Variants in KANK2 observed in about 807,000 individuals in gnomAD.
KANK2 encodes KN motif and ankyrin repeat domain-containing protein 2.
A neutral mutation model predicts 74.6 loss-of-function variants in KANK2; 41 were observed. The observed-to-expected ratio is 0.55, with a 90% confidence interval of 0.43 to 0.71. The LOEUF is 0.71. Ranked by LOEUF, KANK2 falls within the 30% of genes least tolerant of loss-of-function variation. KANK2 has a pLI of 0.00. For synonymous variants in KANK2, 537 were observed against 519.0 expected (o/e 1.03, Z -0.47); for missense variants, 1,148 against 1,196.4 (o/e 0.96, Z 0.60).
intron 4 of KANK2, among the ~76,000 whole-genome samples, chr19:11,189,970 C>T (rs1017803347): frequency 3.3e-5 from 5 of 152,042 alleles, no homozygotes; most frequent in African/African-American, 9.7e-5. Context: ...AGGAACAACA[C>T]GGGCCGGCGA....
chr19:11,192,875 A>G lies in KANK2; in HGVS notation c.1205T>C (p.Val402Ala), dbSNP rs772838393. ...TCGCTCTGTGATGCTAATCTTCTTC[A>G]CCATATGGACGTTGCTGGTAGCTGC... ...PAAATSNVHM[V>A]KKISITERSC... Residue 402 changes from valine (V) to alanine (A), a missense_variant, in exon 4 of 13, where the codon GTG (valine) becomes GCG (alanine). By Grantham distance (64) the Val-to-Ala change is moderately conservative. Transcript: ENST00000586659. The G allele has an allele frequency of 6.2e-7, 1 of 1,609,862 alleles. No individual in the cohort carries two copies. Among genetic ancestry groups the G allele is most frequent in the Admixed American group, 1.7e-5 (1 of 59,148 alleles).
intron 12 of KANK2, among the ~76,000 whole-genome samples, chr19:11,168,543 C>T (rs1182427246): frequency 1.3e-5 from 2 of 152,068 alleles, no homozygotes; most frequent in Admixed American, 6.6e-5. Flanking sequence ...CCACAAGGTG[C>T]TGGGATTACA....
chr19:11,175,574 C>G (rs1276307933), intron 8 of KANK2, among the ~76,000 whole-genome samples: 3 of 152,054 alleles, frequency 2.0e-5, no homozygotes, highest in Non-Finnish European at 2.9e-5. Flanking sequence ...GCATGAGCCA[C>G]TGCGCCCAGC....
chr19:11,179,831 TCTTG>T (rs2078460912), intron 4 of KANK2, among the ~76,000 whole-genome samples: 1 of 152,106 alleles, frequency 6.6e-6, no homozygotes, highest in Non-Finnish European at 1.5e-5. Context: ...GCCACCAATG[TCTTG>T]GAATCCACTC....
Position 11,166,487 on chromosome 19 carries a change from C to A in KANK2, c.*71G>T. 1 of 1,433,046 alleles carries A rather than the reference C, an allele frequency of 7.0e-7. No individual in the cohort carries two copies. The highest frequency in any genetic ancestry group is 1.1e-5 in the South Asian group (1 of 87,088). The allele number at this position is 1,433,046 out of a possible 1,614,324, so 88.8% of individuals were successfully genotyped here. On this transcript the variant is annotated 3_prime_UTR_variant, in exon 13 of 13. Transcript: ENST00000586659. The stretch of plus-strand genomic sequence containing the variant: ...GTGAGTGGGGTGGGCCAGGGAGGAA[C>A]GGGAACAGGGAGGAGACGGGGACAA...
intron 7 of KANK2, 117 bp downstream of exon 7, chr19:11,176,461 G>A: frequency 1.7e-6 from 2 of 1,197,122 alleles, no homozygotes; most frequent in East Asian, 2.6e-5. Context: ...TGCTAATTCA[G>A]ACTAAAGTGT....
In KANK2 at chr19:11,193,354, G is replaced by A. The variant is rs2078913749; in HGVS notation, c.726C>T (p.Gly242=). The A allele has an allele frequency of 1.2e-6, 2 of 1,612,754 alleles. No individual in the cohort carries two copies. Among genetic ancestry groups the A allele is most frequent in the African/African-American group, 1.3e-5 (1 of 74,908 alleles). ...SQKFLGHPTA[G]RGRSELCLDL... is the part of the protein sequence containing the mutation. ...CCAGGCAGAGCTCGCTGCGACCCCG[G>A]CCCGCTGTGGGGTGGCCCAGGAACT... is the stretch of plus-strand genomic sequence containing the variant. Residue 242 remains glycine, a synonymous_variant, in exon 4 of 13, where the codon GGC becomes GGT. Coordinates refer to ENST00000586659, the MANE Select transcript of KANK2 (RefSeq NM_001136191.3). The surrounding 1 kb of genome is among the most constrained non-coding windows in gnomAD (Gnocchi z 9.6).
chr19:11,175,427 CAAAAAAAAAAAAAAAAAAA>C (rs753933217), intron 8 of KANK2, among the ~76,000 whole-genome samples: 2 of 14,974 alleles, frequency 1.3e-4, no homozygotes, highest in South Asian at 3.4e-3. Context: ...GACTCCCTCT[CAAAAAAAAAAAAAAAAAAA>C]AAAAAAAAAA....
chr19:11,191,092 G>A (rs887258419), intron 4 of KANK2, among the ~76,000 whole-genome samples: 6 of 151,750 alleles, frequency 4.0e-5, no homozygotes, highest in Admixed American at 6.6e-5. Context: ...CCAGGCTGGA[G>A]GGCAGTGGTG....
intron 6 of KANK2, among the ~76,000 whole-genome samples, chr19:11,177,108 T>TC (rs1001112553): frequency 5.4e-5 from 8 of 148,540 alleles, no homozygotes; most frequent in African/African-American, 1.7e-4. Flanking sequence ...TTTTTTTTTT[T>TC]TTTTTGAGAT....
intron 4 of KANK2, among the ~76,000 whole-genome samples, chr19:11,189,227 G>A (rs557617938): frequency 1.3e-5 from 2 of 151,362 alleles, no homozygotes; most frequent in Non-Finnish European, 2.9e-5. Context: ...AAAGCTCCAG[G>A]ATTACAGGCA....
chr19:11,167,844 A>G (rs1420639267), intron 12 of KANK2, among the ~76,000 whole-genome samples: 1 of 151,058 alleles, frequency 6.6e-6, no homozygotes, highest in Non-Finnish European at 1.5e-5. Flanking sequence ...CTCCTTAAAC[A>G]CGTCAGACAC....
At chr19:11,169,445 T>C (rs2078110687) in intron 12 of KANK2, among the ~76,000 whole-genome samples, 1 of 152,048 alleles carries the variant, frequency 6.6e-6, no homozygotes, top group Non-Finnish European at 1.5e-5. Flanking sequence ...GAAGTGGAGT[T>C]TGCAGTGAGC....
At chr19:11,181,747 G>A (rs1242797656) in intron 4 of KANK2, among the ~76,000 whole-genome samples, 1 of 152,028 alleles carries the variant, frequency 6.6e-6, no homozygotes, top group Non-Finnish European at 1.5e-5. Flanking sequence ...CCAGGACTTT[G>A]GGAGGCTGAA....
chr19:11,196,625 C>T (rs943846227), intron 1 of KANK2: 5 of 152,168 alleles, frequency 3.3e-5, no homozygotes, highest in Non-Finnish European at 7.3e-5. Context: ...ACTCAGTCAT[C>T]TCACCGCCCT....
In KANK2 at chr19:11,164,710, TCATCCATCCATCCATCCATC is replaced by T. The variant is rs142958187; in HGVS notation, c.*1828_*1847del. On this transcript the variant is annotated 3_prime_UTR_variant, in exon 13 of 13. Transcript: ENST00000586659. ...TTACATGCAAACACCATCTATCTAT[TCATCCATCCATCCATCCATC>T]CATCCATCCATCCATCCATCCATCC... 4 of 99,802 alleles carry T rather than the reference TCATCCATCCATCCATCCATC, an allele frequency of 4.0e-5. No homozygotes were observed. Among genetic ancestry groups the T allele is most frequent in the Admixed American group, 1.7e-4 (2 of 12,046 alleles). 6.2% of individuals were successfully genotyped at this position (99,802 alleles called of 1,614,324 possible).
chr19:11,192,564 A>C, intron 4 of KANK2: 1 of 393,980 alleles, frequency 2.5e-6, no homozygotes, highest in East Asian at 6.3e-5. Flanking sequence ...CCTCCTGGGT[A>C]GCTGAGGTTT....
At chr19:11,173,925 C>T (rs911286471) in intron 9 of KANK2, among the ~76,000 whole-genome samples, 12 of 151,272 alleles carry the variant, frequency 7.9e-5, no homozygotes, top group East Asian at 3.9e-4. Context: ...AACAATGAAC[C>T]GGGAAGATGA....
chr19:11,170,556 G>T lies in KANK2; in HGVS notation c.2212-308C>A. On this transcript the variant is annotated intron_variant, in intron 10 of 12. Coordinates refer to ENST00000586659, the MANE Select transcript of KANK2 (RefSeq NM_001136191.3). The surrounding 1 kb of genome is among the most constrained non-coding windows in gnomAD (Gnocchi z 5.2). ...ACGGAGGTGTTGGTTGCACAACAGGGTGAATGTATTTCATGCCAGTAGTGC... is the reference window on the plus strand; with the variant it reads ...ACGGAGGTGTTGGTTGCACAACAGGTTGAATGTATTTCATGCCAGTAGTGC... 4.3e-6 allele frequency: 2 copies of T among 464,688 alleles called. No homozygotes were observed. Among genetic ancestry groups the T allele is most frequent in the Non-Finnish European group, 7.8e-6 (2 of 256,044 alleles). The allele number at this position is 464,688 out of a possible 1,614,324, so 28.8% of individuals were successfully genotyped here.
Sources: allele counts gnomAD v4.1 joint callset (sites outside exome capture counted in the v4.1 genomes callset), GRCh38; gene constraint gnomAD v4.1.1; non-coding constraint Gnocchi (gnomAD v3.1); transcripts MANE v1.5; gene names NCBI Gene and HGNC (gene_info 2026-07-23, HGNC 2026-07-21).